Variants in NPAS3 observed in about 807,000 individuals in gnomAD.
NPAS3 encodes the protein neuronal PAS domain protein 3, also known as neuronal PAS domain-containing protein 3.
NPAS3 carries 14 observed loss-of-function variants against 73.1 expected under a neutral mutation model. The observed-to-expected ratio is 0.19, with a 90% CI of 0.13 to 0.30. The LOEUF (loss-of-function observed/expected upper bound fraction) is 0.30. Ranked by LOEUF, NPAS3 falls within the 10% of genes least tolerant of loss-of-function variation. The pLI is 1.00. For synonymous variants in NPAS3, 620 were observed against 541.5 expected (o/e 1.14, Z -2.01); for missense variants, 1,096 against 1,250.0 (o/e 0.88, Z 1.86).
intron 2 of NPAS3, among the ~76,000 whole-genome samples, chr14:33,111,823 C>T (rs1426405173): frequency 1.3e-5 from 2 of 150,002 alleles, no homozygotes; most frequent in African/African-American, 2.5e-5. Flanking sequence ...CCCCCTTGCC[C>T]GCACCCCACA....
chr14:33,514,346 A>G (rs889383739), intron 4 of NPAS3, among the ~76,000 whole-genome samples: 3 of 151,976 alleles, frequency 2.0e-5, no homozygotes, highest in Non-Finnish European at 4.4e-5. Flanking sequence ...GTACACTCTA[A>G]GTTTCCAGCC....
intron 1 of NPAS3, among the ~76,000 whole-genome samples, chr14:33,046,680 A>G (rs1005378210): frequency 2.9e-4 from 44 of 152,318 alleles, no homozygotes; most frequent in African/African-American, 1.0e-3. Context: ...CAGGGTATAT[A>G]AGAACCAGTT....
chr14:32,951,935 A>G (rs1447703014), intron 1 of NPAS3, among the ~76,000 whole-genome samples: 1 of 152,042 alleles, frequency 6.6e-6, no homozygotes, highest in Non-Finnish European at 1.5e-5. Flanking sequence ...CGAGTGGATA[A>G]GATTTCTTAC....
chr14:33,733,419 C>T (rs1054477972), intron 6 of NPAS3, among the ~76,000 whole-genome samples: 10 of 151,878 alleles, frequency 6.6e-5, no homozygotes, highest in South Asian at 2.1e-4. Flanking sequence ...TAGAACTGCA[C>T]GGCTGACTGA....
At chr14:33,763,291 G>A (rs532340733) in intron 7 of NPAS3, among the ~76,000 whole-genome samples, 86 of 152,340 alleles carry the variant, frequency 5.6e-4, no homozygotes, top group African/African-American at 2.0e-3. Flanking sequence ...TCTCATTTAG[G>A]ATGAAATAGA....
chr14:33,710,438 G>A (rs892994357), intron 6 of NPAS3, among the ~76,000 whole-genome samples: 1 of 152,212 alleles, frequency 6.6e-6, no homozygotes, highest in African/African-American at 2.4e-5. Context: ...TTATCCACCA[G>A]ACTCACTGGA....
rs540346703 is a variant in NPAS3, at chr14:33,698,366, C to A, written c.733+21981C>A. On this transcript the variant is annotated intron_variant, in intron 6 of 11. Transcript: ENST00000356141. ...ACAATCTGTGGCTTTTGCCATGAAA[C>A]TGGGTGGTTTCCATGTTCTTTTGAA... 2.0e-5 allele frequency among the ~76,000 whole-genome samples: 3 copies of A among 152,262 alleles called. No individual in the cohort carries two copies. In the East Asian group the frequency reaches 5.8e-4, roughly 29 times the overall value.
chr14:33,469,692 T>C (rs1594967360), intron 4 of NPAS3, among the ~76,000 whole-genome samples: 2 of 152,166 alleles, frequency 1.3e-5, no homozygotes, highest in African/African-American at 4.8e-5. Context: ...TAACCCTCGG[T>C]GCAGTATTTT....
chr14:33,501,513 A>T (rs564282017), intron 4 of NPAS3, among the ~76,000 whole-genome samples: 45 of 152,078 alleles, frequency 3.0e-4, no homozygotes, highest in Admixed American at 1.3e-3. Context: ...ACAACAAAGT[A>T]ACATGTTGCA....
At chr14:33,214,477 G>A (rs1169091513) in intron 2 of NPAS3, 1 of 151,996 alleles carries the variant, frequency 6.6e-6, no homozygotes, top group Non-Finnish European at 1.5e-5. Context: ...ACTTCTTTGG[G>A]CAATATATTT....
At chr14:33,769,529 C>T (rs117080462) in intron 7 of NPAS3, among the ~76,000 whole-genome samples, 286 of 152,294 alleles carry the variant, frequency 1.9e-3, no homozygotes, top group Middle Eastern at 3.4e-3. Context: ...TGTCTTTTCT[C>T]CTGCTGACAC....
chr14:33,444,778 T>C (rs1049934760), intron 4 of NPAS3, among the ~76,000 whole-genome samples: 1 of 152,256 alleles, frequency 6.6e-6, no homozygotes, highest in Non-Finnish European at 1.5e-5. Context: ...TGCACATCTA[T>C]TCACATTCCC....
intron 2 of NPAS3, among the ~76,000 whole-genome samples, chr14:33,197,989 C>A (rs1197011650): frequency 6.6e-6 from 1 of 152,178 alleles, no homozygotes; most frequent in Non-Finnish European, 1.5e-5. Context: ...CATGGTCTCA[C>A]TGGCTTCAGG....
chr14:33,069,923 G>T (rs893594628), intron 2 of NPAS3, among the ~76,000 whole-genome samples: 2 of 152,160 alleles, frequency 1.3e-5, no homozygotes, highest in Non-Finnish European at 2.9e-5. Flanking sequence ...ACAGAGAATT[G>T]CATTGTGATT....
chr14:33,311,897 G>T lies in NPAS3; in HGVS notation c.386-55289G>T, dbSNP rs544438052. Among the ~76,000 whole-genome samples the T allele has an allele frequency of 1.4e-4, 22 of 152,228 alleles. No homozygotes were observed. The South Asian group carries it at 4.6e-3, about 32-fold the overall frequency. On this transcript the variant is annotated intron_variant, in intron 3 of 11. Coordinates refer to ENST00000356141, the Ensembl canonical transcript of NPAS3. ...GTTCATCAGAAAGAGAGGAAAGGAA[G>T]GGTATGCATGCCAAGGCATGGAGAG...
intron 2 of NPAS3, among the ~76,000 whole-genome samples, chr14:33,181,736 A>C (rs1277294562): frequency 6.6e-6 from 1 of 152,182 alleles, no homozygotes; most frequent in African/African-American, 2.4e-5. Context: ...CAAAAGTGGA[A>C]TGTCTCTCAT....
chr14:33,142,788 A>C (rs1181536090), intron 2 of NPAS3, among the ~76,000 whole-genome samples: 1 of 152,174 alleles, frequency 6.6e-6, no homozygotes, highest in East Asian at 1.9e-4. Context: ...CCTGGAGAAA[A>C]ATTTGGCAGT....
chr14:33,251,887 T>G (rs189081797), intron 3 of NPAS3, among the ~76,000 whole-genome samples: 1 of 152,240 alleles, frequency 6.6e-6, no homozygotes, highest in Admixed American at 6.5e-5. Context: ...CTTTCTCTTT[T>G]TTTTAGAGGG....
intron 7 of NPAS3, among the ~76,000 whole-genome samples, chr14:33,754,143 A>G (rs1267406329): frequency 6.6e-6 from 1 of 152,206 alleles, no homozygotes; most frequent in Admixed American, 6.5e-5. Context: ...TGGGTGAAGG[A>G]AAGAAGCTGC....
Sources: gnomAD v4.1 joint callset for allele counts (sites outside exome capture counted in the v4.1 genomes callset) on GRCh38, gnomAD v4.1.1 for gene constraint, MANE v1.5 for transcripts, NCBI Gene and HGNC (gene_info 2026-07-23, HGNC 2026-07-21) for gene names.